The following CAMTA1 variants were observed in gnomAD, a reference collection of about 807,000 sequenced individuals.
CAMTA1 encodes calmodulin binding transcription activator 1, also known as calmodulin-binding transcription activator 1.
CAMTA1 carries 27 observed loss-of-function variants against 170.9 expected under a neutral mutation model. That is an observed-to-expected ratio of 0.16 (90% CI 0.12 to 0.22). CAMTA1 has a LOEUF of 0.22. Ranked by LOEUF, CAMTA1 falls within the 10% of genes least tolerant of loss-of-function variation. The probability of loss-of-function intolerance (pLI) is 1.00; values close to 1 mark genes in which losing one functional copy is unlikely to be tolerated. For missense variants in CAMTA1, 1,619 were observed against 2,217.2 expected (o/e 0.73, Z 5.42); for synonymous variants, 833 against 891.5 (o/e 0.93, Z 1.17).
At chr1:6,860,650 C>G (rs1664321889) in intron 3 of CAMTA1, among the ~76,000 whole-genome samples, 1 of 152,140 alleles carries the variant, frequency 6.6e-6, no homozygotes, top group Non-Finnish European at 1.5e-5. Flanking sequence ...TGACTCACAC[C>G]CGTAATCTCA....
intron 6 of CAMTA1, among the ~76,000 whole-genome samples, chr1:7,493,393 GCACA>G (rs1270081260): frequency 1.4e-5 from 2 of 139,378 alleles, no homozygotes; most frequent in Non-Finnish European, 3.1e-5. Flanking sequence ...ACAAACACGT[GCACA>G]CACACAAAAA....
intron 3 of CAMTA1, among the ~76,000 whole-genome samples, chr1:6,859,876 T>G (rs1255597966): frequency 6.6e-6 from 1 of 152,172 alleles, no homozygotes; most frequent in African/African-American, 2.4e-5. Context: ...CCCAAACCCT[T>G]ACCAATGGTA....
At chr1:6,827,062 C>T (rs1392388591) in intron 3 of CAMTA1, among the ~76,000 whole-genome samples, 1 of 152,176 alleles carries the variant, frequency 6.6e-6, no homozygotes, top group Non-Finnish European at 1.5e-5. Flanking sequence ...TCCTTATTTT[C>T]TTTCTGGACC....
rs534296143 is a variant in CAMTA1, at chr1:7,091,506, T to TTC, written c.302+135_302+136insTC. On this transcript the variant is annotated intron_variant, in intron 4 of 22. Coordinates refer to ENST00000303635, the MANE Select transcript of CAMTA1 (RefSeq NM_015215.4). ...TGTTGTGCTGGATGGCTTTCGACACTGAGGTCTCATTCATTGACATAAGAC... is the reference window on the plus strand; with the variant it reads ...TGTTGTGCTGGATGGCTTTCGACACTTCGAGGTCTCATTCATTGACATAAGAC... The TTC allele has an allele frequency of 4.9e-4, 339 of 695,564 alleles. 3 individuals are homozygous for TTC. The Admixed American group carries it at 7.3e-3, about 15-fold the overall frequency. The allele number at this position is 695,564 out of a possible 1,614,324, so 43.1% of individuals were successfully genotyped here. A position where few individuals can be genotyped will look rare whatever the true frequency, so the allele number is the denominator to read the frequency against.
At chr1:7,359,548 C>A (rs1388901613) in intron 5 of CAMTA1, among the ~76,000 whole-genome samples, 5 of 152,198 alleles carry the variant, frequency 3.3e-5, no homozygotes, top group Non-Finnish European at 7.3e-5. Flanking sequence ...TTTCTTGAAG[C>A]CTTTACTTAG....
At chr1:7,101,911 A>C (rs567893071) in intron 4 of CAMTA1, among the ~76,000 whole-genome samples, 1 of 152,214 alleles carries the variant, frequency 6.6e-6, no homozygotes, top group African/African-American at 2.4e-5. Flanking sequence ...ACACAACTAC[A>C]CACATGTACA....
At chr1:7,336,128 T>C (rs985263252) in intron 5 of CAMTA1, among the ~76,000 whole-genome samples, 3 of 152,196 alleles carry the variant, frequency 2.0e-5, no homozygotes, top group Non-Finnish European at 4.4e-5. Flanking sequence ...ATGGCCTGCC[T>C]GGACTGGGTG....
chr1:7,059,143 G>A (rs566095817), intron 3 of CAMTA1, among the ~76,000 whole-genome samples: 3 of 152,296 alleles, frequency 2.0e-5, no homozygotes, highest in South Asian at 2.1e-4. Flanking sequence ...CCAGGCTGCT[G>A]CTGCTCCTCT....
intron 11 of CAMTA1, among the ~76,000 whole-genome samples, chr1:7,687,345 G>C (rs889249627): frequency 6.6e-6 from 1 of 152,052 alleles, no homozygotes; most frequent in African/African-American, 2.4e-5. Flanking sequence ...AGGCAGGTCA[G>C]ATGCCAAGCA....
At chr1:6,961,730 C>T (rs963905875) in intron 3 of CAMTA1, among the ~76,000 whole-genome samples, 6 of 152,176 alleles carry the variant, frequency 3.9e-5, no homozygotes, top group Non-Finnish European at 7.4e-5. Context: ...TTCTCGGTCT[C>T]CAAAGGACAT....
chr1:6,849,635 TTA>T (rs1276657817), intron 3 of CAMTA1, among the ~76,000 whole-genome samples: 9 of 149,782 alleles, frequency 6.0e-5, no homozygotes, highest in Admixed American at 2.7e-4. Flanking sequence ...AAAAAAAAAA[TTA>T]TATATATATA....
intron 4 of CAMTA1, among the ~76,000 whole-genome samples, chr1:7,114,256 A>G (rs6577413): frequency 6.6e-6 from 1 of 151,938 alleles, no homozygotes; most frequent in Non-Finnish European, 1.5e-5. Flanking sequence ...GACCCAGGGT[A>G]CCCTGTATTA....
chr1:7,153,818 G>A (rs1413829302), intron 4 of CAMTA1, among the ~76,000 whole-genome samples: 1 of 152,202 alleles, frequency 6.6e-6, no homozygotes, highest in East Asian at 1.9e-4. Context: ...TCTAGGTCTT[G>A]GGAGCATTTC....
chr1:7,374,177 A>G (rs2086683354), intron 5 of CAMTA1, among the ~76,000 whole-genome samples: 1 of 152,258 alleles, frequency 6.6e-6, no homozygotes, highest in Non-Finnish European at 1.5e-5. Flanking sequence ...CAGCACAGAC[A>G]GTGCGCCTGG....
chr1:7,206,202 A>G (rs771767803), intron 4 of CAMTA1, among the ~76,000 whole-genome samples: 8 of 152,176 alleles, frequency 5.3e-5, no homozygotes, highest in Admixed American at 1.3e-4. Context: ...CATGAACTAT[A>G]GTATCAATTT....
At chr1:6,864,841 C>T (rs371502545) in intron 3 of CAMTA1, among the ~76,000 whole-genome samples, 3 of 152,288 alleles carry the variant, frequency 2.0e-5, no homozygotes, top group African/African-American at 7.2e-5. Flanking sequence ...CGGAATTGTT[C>T]CTCAGTGCTG....
chr1:7,481,619 C>G (rs1310763707), intron 6 of CAMTA1, among the ~76,000 whole-genome samples: 1 of 152,186 alleles, frequency 6.6e-6, no homozygotes, highest in South Asian at 2.1e-4. Context: ...ATTGTACACA[C>G]ACCCGTACAG....
At chr1:7,695,524 C>T (rs1363290344) in intron 11 of CAMTA1, among the ~76,000 whole-genome samples, 1 of 152,128 alleles carries the variant, frequency 6.6e-6, no homozygotes, top group African/African-American at 2.4e-5. Context: ...TTTCTTGTTC[C>T]CACTCTGGAG....
chr1:7,164,558 G>C (rs564733741), intron 4 of CAMTA1, among the ~76,000 whole-genome samples: 5 of 152,336 alleles, frequency 3.3e-5, no homozygotes, highest in African/African-American at 1.2e-4. Flanking sequence ...TGGGGTCTAT[G>C]CCCGTGCCTA....
Sources: allele counts gnomAD v4.1 joint callset (sites outside exome capture counted in the v4.1 genomes callset), GRCh38; gene constraint gnomAD v4.1.1; transcripts MANE v1.5; gene names NCBI Gene and HGNC (gene_info 2026-07-23, HGNC 2026-07-21).